ZFYVE9: variants seen among roughly 807,000 people sequenced by gnomAD.
ZFYVE9 encodes zinc finger FYVE-type containing 9.
Under a neutral mutation model 126.7 loss-of-function variants are expected in ZFYVE9, and 43 were observed. The ratio of observed to expected loss-of-function variants is 0.34; its 90% CI spans 0.27 to 0.44. The LOEUF (loss-of-function observed/expected upper bound fraction) is 0.44, where lower values mean the gene tolerates loss of function less well. ZFYVE9 is among the 20% of genes least tolerant of loss of function. The probability of loss-of-function intolerance (pLI) is 1.00; values close to 1 mark genes in which losing one functional copy is unlikely to be tolerated. For missense variants in ZFYVE9, 1,476 were observed against 1,697.0 expected, an observed-to-expected ratio of 0.87 and a Z score of 2.29; for synonymous variants, 521 against 597.4, an observed-to-expected ratio of 0.87 and a Z score of 1.87.
At chr1:52,330,105 G>A (rs1646327346) in intron 13 of ZFYVE9, among the ~76,000 whole-genome samples, 1 of 152,146 alleles carries the variant, frequency 6.6e-6, no homozygotes, top group Admixed American at 6.5e-5. Context: ...CAGGCCAGGT[G>A]CGATGGCTCA....
At chr1:52,162,926 A>G (rs1007078207) in intron 1 of ZFYVE9, 5 of 505,618 alleles carry the variant, frequency 9.9e-6, no homozygotes, top group Non-Finnish European at 1.9e-5. Context: ...GATCCTGACC[A>G]TCTCTCCAAT....
intron 7 of ZFYVE9, 121 bp downstream of exon 7, chr1:52,268,753 C>T (rs572644223): frequency 1.9e-5 from 22 of 1,177,056 alleles, no homozygotes; most frequent in Middle Eastern, 2.6e-4. Context: ...TGTATACGTG[C>T]ACATATATGG....
chr1:52,150,989 CTTTTT>C (rs57055558), intron 1 of ZFYVE9, among the ~76,000 whole-genome samples: 1 of 127,648 alleles, frequency 7.8e-6, no homozygotes. Context: ...TGATAATTGT[CTTTTT>C]TTTTTTTTTT....
chr1:52,259,438 C>G (rs761156897), intron 4 of ZFYVE9, among the ~76,000 whole-genome samples: 1 of 151,474 alleles, frequency 6.6e-6, no homozygotes, highest in Non-Finnish European at 1.5e-5. Flanking sequence ...AAAAACTAAT[C>G]AAAATAAAAT....
chr1:52,318,207 C>T (rs1422594010), intron 13 of ZFYVE9, among the ~76,000 whole-genome samples: 1 of 152,064 alleles, frequency 6.6e-6, no homozygotes, highest in Non-Finnish European at 1.5e-5. Flanking sequence ...TATGACTAAA[C>T]ATGGTTTATT....
chr1:52,294,705 T>C (rs181074444), intron 11 of ZFYVE9, among the ~76,000 whole-genome samples: 61 of 152,362 alleles, frequency 4.0e-4, no homozygotes, highest in Middle Eastern at 3.4e-3. Context: ...ACCTTCAGTT[T>C]TCTTGGACCA....
intron 4 of ZFYVE9, among the ~76,000 whole-genome samples, chr1:52,254,379 A>T (rs1217614268): frequency 2.6e-5 from 2 of 75,688 alleles, no homozygotes; most frequent in Non-Finnish European, 4.5e-5. Flanking sequence ...TTACATTACT[A>T]AAAAAAAAAA....
chr1:52,193,168 C>T (rs1644830859), intron 1 of ZFYVE9, among the ~76,000 whole-genome samples: 2 of 152,042 alleles, frequency 1.3e-5, no homozygotes. Context: ...CCTGCGTCAG[C>T]CTCCTGAGTA....
Position 52,232,728 on chromosome 1 carries a change from CAAAAAAA to C in ZFYVE9, c.-36-423_-36-417del, listed in dbSNP as rs552213191. Among the ~76,000 whole-genome samples the C allele has an allele frequency of 1.1e-3, 31 of 27,350 alleles. 1 individual carries two copies. Among genetic ancestry groups the C allele is most frequent in the Middle Eastern group, 0.053 (2 of 38 alleles). 17.9% of individuals were successfully genotyped at this position (27,350 alleles called of 152,430 possible). A position where few individuals can be genotyped will look rare whatever the true frequency, so the allele number is the denominator to read the frequency against. On this transcript the variant is annotated intron_variant, in intron 2 of 18. Transcript: ENST00000287727. ...AGGCAACAAGAGTGAGACTCTGTCTCAAAAAAAAAAAAAAAAAAAAAAAAAAGGAATA... is the reference window on the plus strand; with the variant it reads ...AGGCAACAAGAGTGAGACTCTGTCTCAAAAAAAAAAAAAAAAAAAGGAATA...
intron 13 of ZFYVE9, among the ~76,000 whole-genome samples, chr1:52,309,444 A>C (rs570268712): frequency 1.1e-3 from 175 of 152,278 alleles, no homozygotes; most frequent in Non-Finnish European, 1.9e-3. Context: ...TCTCCACTGC[A>C]CTCCAGCCTG....
chr1:52,171,295 C>T (rs1194102825), intron 1 of ZFYVE9, among the ~76,000 whole-genome samples: 2 of 152,052 alleles, frequency 1.3e-5, no homozygotes, highest in Non-Finnish European at 2.9e-5. Context: ...TGATGATTTC[C>T]AATTTCATCC....
At chr1:52,195,327 A>G (rs955052052) in intron 1 of ZFYVE9, among the ~76,000 whole-genome samples, 1 of 152,178 alleles carries the variant, frequency 6.6e-6, no homozygotes, top group Non-Finnish European at 1.5e-5. Flanking sequence ...GAGACGTGAA[A>G]CCAGATTGCC....
Position 52,255,954 on chromosome 1 carries a change from TTTTCTTTTCTTTTC to T in ZFYVE9, c.2179-7811_2179-7798del, listed in dbSNP as rs1303197508. Among the ~76,000 whole-genome samples the T allele has an allele frequency of 3.5e-3, 374 of 107,078 alleles. 3 individuals carry two copies. Among genetic ancestry groups the T allele is most frequent in the African/African-American group, 0.016 (288 of 17,504 alleles). 70.2% of individuals were successfully genotyped at this position (107,078 alleles called of 152,430 possible). A position where few individuals can be genotyped will look rare whatever the true frequency, so the allele number is the denominator to read the frequency against. On this transcript the variant is annotated intron_variant, in intron 4 of 18. Coordinates refer to ENST00000287727, the MANE Select transcript of ZFYVE9 (RefSeq NM_004799.4). ...TTTTCTTTTCTTTTCTTTTCTTTTC[TTTTCTTTTCTTTTC>T]TTTCTTTCTTTCTTTCCTTCCTTCC...
chr1:52,281,948 G>A, intron 10 of ZFYVE9, 132 bp downstream of exon 10: 1 of 949,106 alleles, frequency 1.1e-6, no homozygotes, highest in Non-Finnish European at 1.6e-6. Context: ...GCAAGTTGAA[G>A]CTTTCCATGG....
At chr1:52,279,819 T>C (rs1199770026) in intron 9 of ZFYVE9, among the ~76,000 whole-genome samples, 1 of 152,146 alleles carries the variant, frequency 6.6e-6, no homozygotes, top group Non-Finnish European at 1.5e-5. Flanking sequence ...TGAGTGTTAA[T>C]AGGCAATTTT....
chr1:52,290,791 A>G (rs532855569), intron 10 of ZFYVE9, among the ~76,000 whole-genome samples: 4 of 152,362 alleles, frequency 2.6e-5, no homozygotes, highest in African/African-American at 9.6e-5. Context: ...GTATATTTGC[A>G]TTAGAATAAT....
At chr1:52,200,673 C>A (rs905388333) in intron 1 of ZFYVE9, among the ~76,000 whole-genome samples, 1 of 152,102 alleles carries the variant, frequency 6.6e-6, no homozygotes, top group Non-Finnish European at 1.5e-5. Context: ...GAGTTAACTC[C>A]TGTGAAAGGT....
intron 8 of ZFYVE9, 73 bp from the exon 9 acceptor site, chr1:52,278,419 T>C: frequency 6.4e-7 from 1 of 1,568,456 alleles, no homozygotes; most frequent in Non-Finnish European, 8.8e-7. Flanking sequence ...AATAATTAGC[T>C]CATTTCTCCA....
chr1:52,218,805 C>T lies in ZFYVE9; in HGVS notation c.-37+2331C>T, dbSNP rs553508335. ...GTTTGATTTTTGTGGTTTTGGGAAG[C>T]GGGTAATGGGGGGAGATGGAGGAGG... On this transcript the variant is annotated intron_variant, in intron 2 of 18. Transcript: ENST00000287727. Among the ~76,000 whole-genome samples the T allele has an allele frequency of 6.4e-4, 97 of 152,116 alleles. 1 individual carries two copies. Among genetic ancestry groups the T allele is most frequent in the African/African-American group, 1.9e-3 (79 of 41,496 alleles).
Sources: allele counts gnomAD v4.1 joint callset (sites outside exome capture counted in the v4.1 genomes callset), GRCh38; gene constraint gnomAD v4.1.1; transcripts MANE v1.5; gene names NCBI Gene and HGNC (gene_info 2026-07-23, HGNC 2026-07-21).